Variants in SIK3 observed in about 807,000 individuals in gnomAD.
The protein encoded by SIK3 is SIK family kinase 3, also known as serine/threonine-protein kinase SIK3.
Under a neutral mutation model 144.2 loss-of-function variants are expected in SIK3, and 28 were observed. The observed-to-expected ratio is 0.19, with a 90% CI of 0.14 to 0.27. The LOEUF is 0.27. Ranked by LOEUF, SIK3 falls within the 10% of genes least tolerant of loss-of-function variation. The probability of loss-of-function intolerance (pLI) is 1.00; values close to 1 mark genes in which losing one functional copy is unlikely to be tolerated. For synonymous variants in SIK3, 686 were observed against 676.3 expected (o/e 1.01, Z -0.22); for missense variants, 1,319 against 1,776.0 (o/e 0.74, Z 4.62).
intron 1 of SIK3, among the ~76,000 whole-genome samples, chr11:116,960,363 A>C (rs914697698): frequency 9.2e-5 from 14 of 152,046 alleles, no homozygotes; most frequent in African/African-American, 3.4e-4. Context: ...TCATCTCTAC[A>C]AAAAATAAAA....
At chr11:116,876,777 CT>C (rs1206612160) in intron 7 of SIK3, 146 bp downstream of exon 7, 1 of 677,998 alleles carries the variant, frequency 1.5e-6, no homozygotes, top group East Asian at 2.7e-5. Flanking sequence ...TACATTCCTT[CT>C]TGCTTGCTTC....
rs560249695 is a variant in SIK3 at position 116,909,763 on chromosome 11, GACTA to G, written c.617-12450_617-12447del. 2.8e-3 allele frequency among the ~76,000 whole-genome samples: 426 copies of G among 152,192 alleles called. 4 individuals are homozygous for G. The highest frequency in any genetic ancestry group is 9.5e-3 in the African/African-American group (396 of 41,508). Reference sequence around the variant, plus strand: ...AATAAATATCTTAAAACAACTCACTGACTAACTAAGAACAGAGAGGGTGGGAGAA... The same window carrying G: ...AATAAATATCTTAAAACAACTCACTGACTAAGAACAGAGAGGGTGGGAGAA... On this transcript the variant is annotated intron_variant, in intron 4 of 24. Coordinates refer to ENST00000445177, the MANE Select transcript of SIK3 (RefSeq NM_001366686.3).
At chr11:117,071,972 T>C (rs1565615907) in intron 1 of SIK3, among the ~76,000 whole-genome samples, 5 of 151,816 alleles carry the variant, frequency 3.3e-5, no homozygotes, top group Admixed American at 2.6e-4. Context: ...GGCAATATAA[T>C]GAGGCAGTGA....
At chr11:116,879,584 A>G (rs1012960721) in intron 6 of SIK3, among the ~76,000 whole-genome samples, 1 of 152,204 alleles carries the variant, frequency 6.6e-6, no homozygotes, top group African/African-American at 2.4e-5. Context: ...ACACCATTCT[A>G]TATTACTGTT....
chr11:116,974,013 A>T (rs1949858606), intron 1 of SIK3, among the ~76,000 whole-genome samples: 1 of 152,222 alleles, frequency 6.6e-6, no homozygotes, highest in African/African-American at 2.4e-5. Flanking sequence ...TAAAGTATGA[A>T]CTTTAATAAG....
At chr11:116,873,668 T>C (rs552528160) in intron 12 of SIK3, 32 bp from the exon 13 acceptor site, 19 of 1,523,538 alleles carry the variant, frequency 1.2e-5, no homozygotes, top group Non-Finnish European at 1.6e-5. Flanking sequence ...GGACGGACCA[T>C]GAGATGAGGG....
intron 21 of SIK3, among the ~76,000 whole-genome samples, chr11:116,853,392 C>A (rs1011564334): frequency 6.6e-6 from 1 of 152,150 alleles, no homozygotes; most frequent in African/African-American, 2.4e-5. Context: ...AAAGATGGTT[C>A]CCAAGAGCTA....
chr11:116,921,634 G>C lies in SIK3; in HGVS notation c.616+5585C>G, dbSNP rs150272479. Among the ~76,000 whole-genome samples, 215 of 152,212 alleles carry C rather than the reference G, an allele frequency of 1.4e-3. 2 individuals carry two copies. Among genetic ancestry groups the C allele is most frequent in the African/African-American group, 4.3e-3 (179 of 41,528 alleles). On this transcript the variant is annotated intron_variant, in intron 4 of 24. Transcript: ENST00000445177. Reference sequence around the variant, plus strand: ...TCTTCCCACTTCGGCTTCACAAAGTGCTGAGATTACGGGCATGAGCCACCT... The same window carrying C: ...TCTTCCCACTTCGGCTTCACAAAGTCCTGAGATTACGGGCATGAGCCACCT...
At chr11:116,877,217 C>A (rs1944302242) in intron 6 of SIK3, among the ~76,000 whole-genome samples, 175 bp from the exon 7 acceptor site, 1 of 152,162 alleles carries the variant, frequency 6.6e-6, no homozygotes, top group Admixed American at 6.6e-5. Context: ...AGGGGCTAAG[C>A]AAAGGCAGAG....
intron 1 of SIK3, among the ~76,000 whole-genome samples, chr11:117,059,123 A>G (rs1018117959): frequency 6.6e-6 from 1 of 152,230 alleles, no homozygotes; most frequent in East Asian, 1.9e-4. Flanking sequence ...AGAAAAATTT[A>G]CAGATTTGTA....
At chr11:117,080,990 T>C (rs1266737048) in intron 1 of SIK3, among the ~76,000 whole-genome samples, 2 of 151,950 alleles carry the variant, frequency 1.3e-5, no homozygotes, top group Admixed American at 6.6e-5. Context: ...AATCTATCAA[T>C]AGGCTACTAT....
chr11:116,921,286 A>G (rs1408026339), intron 4 of SIK3, among the ~76,000 whole-genome samples: 3 of 152,204 alleles, frequency 2.0e-5, no homozygotes, highest in African/African-American at 7.2e-5. Context: ...TACATGTAAA[A>G]ATGCTTTGTG....
At chr11:117,058,449 G>A (rs1053328402) in intron 1 of SIK3, among the ~76,000 whole-genome samples, 19 of 150,486 alleles carry the variant, frequency 1.3e-4, no homozygotes, top group African/African-American at 4.7e-4. Context: ...GAACCCAGGA[G>A]GCGGAAGCTG....
At chr11:116,909,661 G>A (rs926827847) in intron 4 of SIK3, among the ~76,000 whole-genome samples, 1 of 152,162 alleles carries the variant, frequency 6.6e-6, no homozygotes, top group Non-Finnish European at 1.5e-5. Flanking sequence ...AATCATTAGG[G>A]CTTTTGAGGG....
intron 1 of SIK3, among the ~76,000 whole-genome samples, chr11:117,011,779 A>G (rs751357828): frequency 6.6e-5 from 10 of 152,190 alleles, no homozygotes; most frequent in Non-Finnish European, 1.5e-4. Context: ...CAGGAGTTCA[A>G]GACCAGCCTG....
chr11:117,037,360 C>G (rs1032235355), intron 1 of SIK3, among the ~76,000 whole-genome samples: 1 of 152,150 alleles, frequency 6.6e-6, no homozygotes. Context: ...AATAAATTCA[C>G]AACAGCCCTT....
At chr11:116,869,463 CAA>C (rs1943837695) in intron 14 of SIK3, 1 of 152,138 alleles carries the variant, frequency 6.6e-6, no homozygotes, top group Admixed American at 6.5e-5. Context: ...GTGAACTTGC[CAA>C]AGAGTAAGCC....
chr11:117,079,248 C>T (rs1954681442), intron 1 of SIK3, among the ~76,000 whole-genome samples: 1 of 152,060 alleles, frequency 6.6e-6, no homozygotes, highest in African/African-American at 2.4e-5. Flanking sequence ...AGTATCAAAG[C>T]AAGAAAAGAC....
chr11:116,871,211 C>G (rs1943953686), intron 13 of SIK3, among the ~76,000 whole-genome samples: 1 of 152,220 alleles, frequency 6.6e-6, no homozygotes, highest in African/African-American at 2.4e-5. Flanking sequence ...GTGCCCACAT[C>G]ATCACCATGC....
Sources: gnomAD v4.1 joint callset for allele counts (sites outside exome capture counted in the v4.1 genomes callset) on GRCh38, gnomAD v4.1.1 for gene constraint, MANE v1.5 for transcripts, NCBI Gene and HGNC (gene_info 2026-07-23, HGNC 2026-07-21) for gene names.